The following SLC14A2 variants were observed in gnomAD, a reference collection of about 807,000 sequenced individuals.
SLC14A2 encodes urea transporter 2.
A neutral mutation model predicts 104.6 loss-of-function variants in SLC14A2; 91 were observed. That is an observed-to-expected ratio of 0.87 (90% CI 0.73 to 1.04). The LOEUF (loss-of-function observed/expected upper bound fraction) is 1.04, where lower values mean the gene tolerates loss of function less well. Among genes scored for constraint, SLC14A2 ranks in the 50% least tolerant of loss-of-function variants. SLC14A2 has a pLI of 0.00. For synonymous variants in SLC14A2, 476 were observed against 466.4 expected (o/e 1.02, Z -0.27); for missense variants, 1,189 against 1,156.0 (o/e 1.03, Z -0.41).
intron 1 of SLC14A2, among the ~76,000 whole-genome samples, chr18:45,355,769 C>A (rs965787674): frequency 6.6e-6 from 1 of 151,912 alleles, no homozygotes; most frequent in Admixed American, 6.6e-5. Context: ...CTGAATGCAC[C>A]CACTCATCTC....
At chr18:45,361,057 C>T (rs944589587) in intron 1 of SLC14A2, among the ~76,000 whole-genome samples, 1 of 152,124 alleles carries the variant, frequency 6.6e-6, no homozygotes, top group Non-Finnish European at 1.5e-5. Context: ...TTGTTCTCTT[C>T]CCCTGAAACT....
the SLC14A2 span, among the ~76,000 whole-genome samples, chr18:45,172,709 T>C: frequency 6.6e-6 from 1 of 152,150 alleles, no homozygotes; most frequent in South Asian, 2.1e-4. Flanking sequence ...TCATGTCTGA[T>C]GAACAAAGCT....
the SLC14A2 span, among the ~76,000 whole-genome samples, chr18:45,172,887 T>C: frequency 2.6e-5 from 4 of 152,278 alleles, no homozygotes; most frequent in Non-Finnish European, 5.9e-5. Context: ...AAATAAACAC[T>C]AAATTGACAC....
At chr18:45,471,272 C>T (rs1333092554) in intron 1 of SLC14A2, among the ~76,000 whole-genome samples, 1 of 152,106 alleles carries the variant, frequency 6.6e-6, no homozygotes. Context: ...TAATTTTCCC[C>T]CTTGAAAAAT....
At chr18:45,209,369 AC>A (rs1314394887), upstream of SLC14A2, among the ~76,000 whole-genome samples, 39 of 151,806 alleles carry the variant, frequency 2.6e-4, no homozygotes, top group African/African-American at 3.6e-4. Context: ...AACAACAACA[AC>A]AACAACAACT....
At chr18:45,198,311 C>T in the SLC14A2 span, among the ~76,000 whole-genome samples, 1 of 152,178 alleles carries the variant, frequency 6.6e-6, no homozygotes, top group East Asian at 1.9e-4. Context: ...ATCATGAACA[C>T]ATAGATAAAG....
chr18:45,404,400 C>T (rs975825113), intron 1 of SLC14A2, among the ~76,000 whole-genome samples: 3 of 152,182 alleles, frequency 2.0e-5, no homozygotes, highest in Admixed American at 6.5e-5. Flanking sequence ...CTTGAGGGCT[C>T]AGGGAATTTG....
upstream of SLC14A2, chr18:45,614,665 T>C (rs1258501672): frequency 6.6e-6 from 1 of 152,224 alleles, no homozygotes; most frequent in Non-Finnish European, 1.5e-5. Flanking sequence ...ATTTAATGAC[T>C]GCACCACTGG....
In SLC14A2 at chr18:45,576,432, C is replaced by A. The variant is rs565367418; in HGVS notation, c.-34-48199C>A. Among the ~76,000 whole-genome samples, 19 of 152,088 alleles carry A rather than the reference C, an allele frequency of 1.2e-4. No homozygotes were observed. The East Asian group carries it at 2.9e-3, about 23-fold the overall frequency. ...CTGAGTAGCTGGGACTACAGGCACACGCCACCACGCCCGGCTAATTTGTTT... is the reference window on the plus strand; with the variant it reads ...CTGAGTAGCTGGGACTACAGGCACAAGCCACCACGCCCGGCTAATTTGTTT... On this transcript the variant is annotated intron_variant, in intron 2 of 20. Transcript: ENST00000586448.
intron 1 of SLC14A2, among the ~76,000 whole-genome samples, chr18:45,330,870 T>C (rs972110645): frequency 6.6e-6 from 1 of 152,202 alleles, no homozygotes; most frequent in Non-Finnish European, 1.5e-5. Context: ...AGCTAAAAGT[T>C]TGGGATAATC....
chr18:45,581,542 A>T (rs1226109723), intron 2 of SLC14A2, among the ~76,000 whole-genome samples: 1 of 152,172 alleles, frequency 6.6e-6, no homozygotes, highest in Admixed American at 6.5e-5. Context: ...CAACACCAAC[A>T]TCAAGGGCCC....
chr18:45,317,144 A>T (rs1024712075), intron 1 of SLC14A2, among the ~76,000 whole-genome samples: 1 of 152,218 alleles, frequency 6.6e-6, no homozygotes, highest in Non-Finnish European at 1.5e-5. Flanking sequence ...ACCACCTTAG[A>T]TTATAACTTA....
intron 2 of SLC14A2, among the ~76,000 whole-genome samples, chr18:45,548,438 T>C (rs986036935): frequency 6.6e-6 from 1 of 152,236 alleles, no homozygotes. Flanking sequence ...GCATGGTGTT[T>C]CACACCTATA....
chr18:45,287,263 T>C (rs1485524714), intron 1 of SLC14A2, among the ~76,000 whole-genome samples: 3 of 152,186 alleles, frequency 2.0e-5, no homozygotes, highest in Non-Finnish European at 4.4e-5. Flanking sequence ...CCTGCTAGCA[T>C]TAATTAGAAA....
chr18:45,387,985 A>T (rs2612576), intron 1 of SLC14A2, among the ~76,000 whole-genome samples: 97,032 of 150,158 alleles, frequency 0.65, 32,631 homozygotes, highest in East Asian at 0.88. Flanking sequence ...GGAGGTCATT[A>T]TTTAAAGGCT....
the SLC14A2 span, among the ~76,000 whole-genome samples, chr18:45,179,313 C>G: frequency 6.6e-6 from 1 of 152,152 alleles, no homozygotes; most frequent in African/African-American, 2.4e-5. Context: ...CTTCTGTCAT[C>G]GCACTGGCTT....
intron 1 of SLC14A2, among the ~76,000 whole-genome samples, chr18:45,227,331 A>G (rs573914895): frequency 1.1e-4 from 16 of 152,226 alleles, no homozygotes; most frequent in Non-Finnish European, 1.8e-4. Context: ...AGAAAGTTGC[A>G]AGAATGATGA....
chr18:45,250,751 C>CTGACTTTTTTTTTTTTTTTTT lies in SLC14A2; in HGVS notation c.-125+37561_-125+37562insGACTTTTTTTTTTTTTTTTTT, dbSNP rs1165070845. Among the ~76,000 whole-genome samples the CTGACTTTTTTTTTTTTTTTTT allele has an allele frequency of 8.9e-4, 101 of 113,878 alleles. 8 individuals are homozygous for CTGACTTTTTTTTTTTTTTTTT. The highest frequency in any genetic ancestry group is 1.9e-3 in the African/African-American group (48 of 25,510). 74.7% of individuals were successfully genotyped at this position (113,878 alleles called of 152,430 possible). ...AACTGAATCCTCTGGCTAGTGGCTT[C>CTGACTTTTTTTTTTTTTTTTT]TTCCTTTTTTTTTTTTTTTTTTTTT... is the stretch of plus-strand genomic sequence containing the variant. On this transcript the variant is annotated intron_variant, in intron 1 of 20. Transcript: ENST00000586448.
chr18:45,351,827 A>T (rs941135952), intron 1 of SLC14A2, among the ~76,000 whole-genome samples: 5 of 152,228 alleles, frequency 3.3e-5, no homozygotes, highest in Non-Finnish European at 7.3e-5. Context: ...ACAGAGTTTT[A>T]GTATGGGGCT....
Sources: allele counts gnomAD v4.1 joint callset (sites outside exome capture counted in the v4.1 genomes callset), GRCh38; gene constraint gnomAD v4.1.1; transcripts MANE v1.5; gene names NCBI Gene and HGNC (gene_info 2026-07-23, HGNC 2026-07-21).